Variants in ATP8B2 observed in about 807,000 individuals in gnomAD.
ATP8B2 encodes the protein ATPase phospholipid transporting 8B2, also known as phospholipid-transporting ATPase ID.
A neutral mutation model predicts 133.4 loss-of-function variants in ATP8B2; 70 were observed. That is an observed-to-expected ratio of 0.52 (90% CI 0.43 to 0.64). The LOEUF is 0.64. Among genes scored for constraint, ATP8B2 ranks in the 30% least tolerant of loss-of-function variants. The pLI is 0.00. For missense variants in ATP8B2, 1,101 were observed against 1,535.7 expected (o/e 0.72, Z 4.73); for synonymous variants, 517 against 589.5 (o/e 0.88, Z 1.78).
intron 1 of ATP8B2, chr1:154,327,663 C>T (rs2149157426): frequency 1.2e-6 from 1 of 832,878 alleles, no homozygotes. Flanking sequence ...AGCCTGCCCA[C>T]CCTGTTTCCT....
chr1:154,349,343 G>T lies in ATP8B2; in HGVS notation c.*225G>T. 1.6e-6 allele frequency: 1 copy of T among 625,966 alleles called. No homozygotes were observed. The highest frequency in any genetic ancestry group is 2.4e-5 in the South Asian group (1 of 42,482). The allele number at this position is 625,966 out of a possible 1,614,324, so 38.8% of individuals were successfully genotyped here. On this transcript the variant is annotated 3_prime_UTR_variant, in exon 28 of 28. Coordinates refer to ENST00000368489, the MANE Select transcript of ATP8B2 (RefSeq NM_001370597.1). ...GGAGCAGGCCCAAGGGCAGAGCAGA[G>T]GCTGAGGCACGGGGAGCCAGCCCCA...
chr1:154,348,544 A>C lies in ATP8B2; in HGVS notation c.3294+6A>C. On this transcript the variant is annotated splice_donor_region_variant and intron_variant, in intron 27 of 27. Transcript: ENST00000368489. The stretch of plus-strand genomic sequence containing the variant: ...AGCCGGATCTCTCCGACACGGTGAG[A>C]AGCCAGGCTACCTGCTGTGGGAGGC... 6.2e-7 allele frequency: 1 copy of C among 1,613,070 alleles called. No individual in the cohort carries two copies. Among genetic ancestry groups the C allele is most frequent in the Non-Finnish European group, 8.5e-7 (1 of 1,179,448 alleles).
At position 154,334,010 on chromosome 1, in the gene ATP8B2, C is replaced by CA; in HGVS notation, c.590-96dup. The CA allele has an allele frequency of 2.1e-6, 3 of 1,446,288 alleles. No individual in the cohort carries two copies. Among genetic ancestry groups the CA allele is most frequent in the Non-Finnish European group, 2.9e-6 (3 of 1,050,180 alleles). The allele number at this position is 1,446,288 out of a possible 1,614,324, so 89.6% of individuals were successfully genotyped here. On this transcript the variant is annotated intron_variant, in intron 9 of 27. Coordinates refer to ENST00000368489, the MANE Select transcript of ATP8B2 (RefSeq NM_001370597.1). This position sits in a 1 kb window ranked among gnomAD's most constrained non-coding sequence, Gnocchi z 4.6. ...GCATATGGATGGGCCCTTGCCCTTG[C>CA]ATCCTCTTCGCTCAGCTCATTTTCT...
rs11265581 is a variant in ATP8B2, at chr1:154,346,587, G to T, written c.3025-33G>T. ...TTCTGGGGGAAGGGGCTTTTAGGGC[G>T]TGCGCCTGCCTGACTATGCCTACTT... On this transcript the variant is annotated intron_variant, in intron 25 of 27. Transcript: ENST00000368489. This position sits in a 1 kb window ranked among gnomAD's most constrained non-coding sequence, Gnocchi z 4.5. 107 of 1,613,580 alleles carry T rather than the reference G, an allele frequency of 6.6e-5. No homozygotes were observed. Among genetic ancestry groups the T allele is most frequent in the Non-Finnish European group, 9.1e-5 (107 of 1,179,726 alleles).
In ATP8B2 at chr1:154,331,522, G is replaced by A; in HGVS notation, c.365+17G>A. 1 of 1,614,074 alleles carries A rather than the reference G, an allele frequency of 6.2e-7. No homozygotes were observed. ...CAATGGAATGTGAGTGCCTGTTGGA[G>A]ACAAGAGCTCTGGGGACGAAGGGGG... On this transcript the variant is annotated intron_variant, in intron 6 of 27. Transcript: ENST00000368489. This position sits in a 1 kb window ranked among gnomAD's most constrained non-coding sequence, Gnocchi z 4.8.
rs896747425 is a variant in ATP8B2 at position 154,343,023 on chromosome 1, T to C, written c.1453+62T>C. 1.8e-5 allele frequency: 29 copies of C among 1,600,616 alleles called. No individual in the cohort carries two copies. In the East Asian group the frequency reaches 6.5e-4, roughly 36 times the overall value. On this transcript the variant is annotated intron_variant, in intron 15 of 27. Transcript: ENST00000368489. The surrounding 1 kb of genome is among the most constrained non-coding windows in gnomAD (Gnocchi z 5.8). Reference sequence around the variant, plus strand: ...ACTCTGCCCTTGGGCTCTGCTCTGCTCTGCAATGCGGCTGGGCTGGGGCTT... The same window carrying C: ...ACTCTGCCCTTGGGCTCTGCTCTGCCCTGCAATGCGGCTGGGCTGGGGCTT...
In ATP8B2 at chr1:154,327,652, G is replaced by T. The variant is rs1570842789; in HGVS notation, c.-37-453G>T. The T allele has an allele frequency of 5.2e-6, 4 of 764,912 alleles. No individual in the cohort carries two copies. The East Asian group carries it at 9.8e-5, about 19-fold the overall frequency. 47.4% of individuals were successfully genotyped at this position (764,912 alleles called of 1,614,324 possible). On this transcript the variant is annotated intron_variant, in intron 1 of 27. Transcript: ENST00000368489. ...ACTTATAAGCCTTTCGAGAAGGGTG[G>T]AGCCTGCCCACCCTGTTTCCTGATG... is the stretch of plus-strand genomic sequence containing the variant.
chr1:154,341,288 C>A (rs35463210), intron 13 of ATP8B2: 138,565 of 605,556 alleles, frequency 0.23, 16,668 homozygotes, highest in Non-Finnish European at 0.25. Context: ...AATGCGAGAC[C>A]AGCCTGGGCA....
chr1:154,346,665 A>G lies in ATP8B2; in HGVS notation c.3070A>G (p.Ile1024Val). Reference protein sequence around the residue: ...GYWTAINHFFIWGSLAVYFAI... With the variant: ...GYWTAINHFFVWGSLAVYFAI... ...CTGGACGGCCATCAACCACTTCTTCATCTGGGGAAGCCTTGCTGTTTACTT... is the reference window on the plus strand; with the variant it reads ...CTGGACGGCCATCAACCACTTCTTCGTCTGGGGAAGCCTTGCTGTTTACTT... Residue 1024 changes from isoleucine (I) to valine (V), a missense_variant, in exon 26 of 28, where the codon ATC becomes GTC. By Grantham distance (29) the Ile-to-Val change is conservative. Coordinates refer to ENST00000368489, the MANE Select transcript of ATP8B2 (RefSeq NM_001370597.1). This position sits in a 1 kb window ranked among gnomAD's most constrained non-coding sequence, Gnocchi z 4.5. 1 of 1,614,144 alleles carries G rather than the reference A, an allele frequency of 6.2e-7. No individual in the cohort carries two copies. Among genetic ancestry groups the G allele is most frequent in the South Asian group, 1.1e-5 (1 of 91,090 alleles).
At position 154,346,853 on chromosome 1, in the gene ATP8B2, T is replaced by C; in HGVS notation, c.3163+95T>C. 6 of 1,369,826 alleles carry C rather than the reference T, an allele frequency of 4.4e-6. No individual in the cohort carries two copies. Among genetic ancestry groups the C allele is most frequent in the Non-Finnish European group, 6.0e-6 (6 of 998,170 alleles). 84.9% of individuals were successfully genotyped at this position (1,369,826 alleles called of 1,614,324 possible). The stretch of plus-strand genomic sequence containing the variant: ...TAATCTGCACATTCAACATTTCTTA[T>C]GTGCCAAGTATTCTGTTTATTTTAT... On this transcript the variant is annotated intron_variant, in intron 26 of 27. Coordinates refer to ENST00000368489, the MANE Select transcript of ATP8B2 (RefSeq NM_001370597.1). This position sits in a 1 kb window ranked among gnomAD's most constrained non-coding sequence, Gnocchi z 4.5.
Position 154,331,583 on chromosome 1 carries a change from T to G in ATP8B2, c.366-23T>G. 1 of 1,614,126 alleles carries G rather than the reference T, an allele frequency of 6.2e-7. No homozygotes were observed. The highest frequency in any genetic ancestry group is 8.5e-7 in the Non-Finnish European group (1 of 1,179,958). The stretch of plus-strand genomic sequence containing the variant: ...ACCTCTTTAGCTCCTGACAGCCTCT[T>G]CACTGTCTTCTCGTTGCCTCAGCCT... On this transcript the variant is annotated intron_variant, in intron 6 of 27. Coordinates refer to ENST00000368489, the MANE Select transcript of ATP8B2 (RefSeq NM_001370597.1). The surrounding 1 kb of genome is among the most constrained non-coding windows in gnomAD (Gnocchi z 4.8).
rs549731316 is a variant in ATP8B2 at position 154,342,964 on chromosome 1, G to A, written c.1453+3G>A. 8 of 1,613,742 alleles carry A rather than the reference G, an allele frequency of 5.0e-6. No homozygotes were observed. The African/African-American group carries it at 6.7e-5, about 13-fold the overall frequency. On this transcript the variant is annotated splice_donor_region_variant and intron_variant, in intron 15 of 27. Transcript: ENST00000368489. ...CATGTCAGAAGAAAAGAACGAAGGT[G>A]GGCCGAGGAGCCGGCTCGCACTCTC...
rs1685860017 is a variant in ATP8B2 at position 154,328,309 on chromosome 1, G to A, written c.31+137G>A. 2 of 947,078 alleles carry A rather than the reference G, an allele frequency of 2.1e-6. No homozygotes were observed. The highest frequency in any genetic ancestry group is 1.6e-5 in the African/African-American group (1 of 61,438). 58.7% of individuals were successfully genotyped at this position (947,078 alleles called of 1,614,324 possible). A position where few individuals can be genotyped will look rare whatever the true frequency, so the allele number is the denominator to read the frequency against. On this transcript the variant is annotated intron_variant, in intron 2 of 27. Transcript: ENST00000368489. The surrounding 1 kb of genome is among the most constrained non-coding windows in gnomAD (Gnocchi z 4.6). ...TACAGCAGCCCCTACCCAGCTTGGGGGCAGCCTAGGAAACCGAATTCTTCC... is the reference window on the plus strand; with the variant it reads ...TACAGCAGCCCCTACCCAGCTTGGGAGCAGCCTAGGAAACCGAATTCTTCC...
Position 154,350,751 on chromosome 1 carries a change from C to A in ATP8B2, c.*1633C>A, listed in dbSNP as rs1686756778. ...TTCATCCACACCTATGAAGCTATTC[C>A]CTAAATAAGGCATTTCCCAAGTTAG... is the stretch of plus-strand genomic sequence containing the variant. On this transcript the variant is annotated 3_prime_UTR_variant, in exon 28 of 28. Transcript: ENST00000368489. The A allele has an allele frequency of 2.0e-5, 3 of 152,466 alleles. No individual in the cohort carries two copies. The highest frequency in any genetic ancestry group is 2.0e-4 in the Admixed American group (3 of 15,304). The allele number at this position is 152,466 out of a possible 1,614,324, so 9.4% of individuals were successfully genotyped here. A position where few individuals can be genotyped will look rare whatever the true frequency, so the allele number is the denominator to read the frequency against.
chr1:154,328,742 T>A lies in ATP8B2; in HGVS notation c.31+570T>A. 1 of 968,666 alleles carries A rather than the reference T, an allele frequency of 1.0e-6. No homozygotes were observed. 60.0% of individuals were successfully genotyped at this position (968,666 alleles called of 1,614,324 possible). ...GCGTGCTCGGCGTGTCCGGGGCCAC[T>A]CAGCGCACGCTGGCATCCGCCGGGG... On this transcript the variant is annotated intron_variant, in intron 2 of 27. Coordinates refer to ENST00000368489, the MANE Select transcript of ATP8B2 (RefSeq NM_001370597.1). This position sits in a 1 kb window ranked among gnomAD's most constrained non-coding sequence, Gnocchi z 4.6.
chr1:154,327,938 C>G (rs1421187555), intron 1 of ATP8B2, 167 bp from the exon 2 acceptor site: 4 of 1,551,470 alleles, frequency 2.6e-6, no homozygotes, highest in Non-Finnish European at 3.6e-6. Context: ...GGGAAGTCCC[C>G]TCTTTCCCAG....
At chr1:154,326,382 G>A (rs1378241483) in intron 1 of ATP8B2, among the ~76,000 whole-genome samples, 1 of 152,132 alleles carries the variant, frequency 6.6e-6, no homozygotes, top group Non-Finnish European at 1.5e-5. Flanking sequence ...AGGAGGAGCT[G>A]TTTTCCTCCA....
In ATP8B2 at chr1:154,330,425, C is replaced by A; in HGVS notation, c.61C>A (p.Arg21=). 1.9e-6 allele frequency: 3 copies of A among 1,613,924 alleles called. No individual in the cohort carries two copies. Among genetic ancestry groups the A allele is most frequent in the Non-Finnish European group, 1.7e-6 (2 of 1,179,938 alleles). The change falls in exon 3 of 28, where the codon CGA becomes AGA. Residue 21 remains arginine, a synonymous_variant. Transcript: ENST00000368489. ...EEERRARAND[R]EYNEKFQYAS... is the part of the protein sequence containing the mutation. ...AGAAAGGAGGGCGCGGGCTAATGAC[C>A]GAGAATACAATGAGAAATTCCAGTA...
chr1:154,344,021 G>A lies in ATP8B2; in HGVS notation c.1887G>A (p.Leu629=). Residue 629 remains leucine, a synonymous_variant, in exon 18 of 28, where the codon CTG becomes CTA. Transcript: ENST00000368489. The surrounding 1 kb of genome is among the most constrained non-coding windows in gnomAD (Gnocchi z 4.1). ...SLAQDSREDR[L]ASIYEEVENN... is the part of the protein sequence containing the mutation. ...CCCAGGACAGCCGGGAGGACAGGCT[G>A]GCTAGCATCTATGAGGAGGTTGAGA... 1 of 1,614,140 alleles carries A rather than the reference G, an allele frequency of 6.2e-7. No homozygotes were observed. The highest frequency in any genetic ancestry group is 8.5e-7 in the Non-Finnish European group (1 of 1,179,966).
Sources: gnomAD v4.1 joint callset for allele counts (sites outside exome capture counted in the v4.1 genomes callset) on GRCh38, gnomAD v4.1.1 for gene constraint, Gnocchi (gnomAD v3.1) non-coding constraint, MANE v1.5 for transcripts, NCBI Gene and HGNC (gene_info 2026-07-23, HGNC 2026-07-21) for gene names.